The following IL10RB variants were observed in gnomAD, a reference collection of about 807,000 sequenced individuals.
The protein encoded by IL10RB is interleukin 10 receptor subunit beta.
In IL10RB, 30 loss-of-function variants were observed where a neutral mutation model predicts 38.7. The ratio of observed to expected loss-of-function variants is 0.78; its 90% confidence interval spans 0.58 to 1.05. The LOEUF (loss-of-function observed/expected upper bound fraction) is 1.05, where lower values mean the gene tolerates loss of function less well. Among genes scored for constraint, IL10RB ranks in the 50% least tolerant of loss-of-function variants. IL10RB has a pLI of 0.00. For synonymous variants in IL10RB, 142 were observed against 145.9 expected, an observed-to-expected ratio of 0.97 and a Z score of 0.19; for missense variants, 328 against 397.1, an observed-to-expected ratio of 0.83 and a Z score of 1.48.
At chr21:33,280,071 C>T (rs999570657) in intron 4 of IL10RB, among the ~76,000 whole-genome samples, 153 bp downstream of exon 4, 51 of 152,316 alleles carry the variant, frequency 3.3e-4, no homozygotes, top group African/African-American at 1.2e-3. Flanking sequence ...GCTTCCCAGA[C>T]TCCTAAGGGA....
At chr21:33,297,650 C>T (rs1436312766), downstream of IL10RB, among the ~76,000 whole-genome samples, 1 of 151,784 alleles carries the variant, frequency 6.6e-6, no homozygotes, top group East Asian at 1.9e-4. Context: ...GACCCCTTCT[C>T]TACAAAAAGT....
chr21:33,303,897 G>A (rs1024469273), intron 1 of IL10RB, among the ~76,000 whole-genome samples: 2 of 152,180 alleles, frequency 1.3e-5, no homozygotes, highest in Non-Finnish European at 2.9e-5. Flanking sequence ...AAGGAAGCCT[G>A]GTGTCTTCTA....
chr21:33,272,763 A>G (rs763311848), intron 2 of IL10RB, among the ~76,000 whole-genome samples: 1 of 152,210 alleles, frequency 6.6e-6, no homozygotes, highest in Non-Finnish European at 1.5e-5. Flanking sequence ...CACTTTTTGC[A>G]GGATGAGAGC....
Position 33,288,089 on chromosome 21 carries a change from C to T in IL10RB, c.647-15C>T, listed in dbSNP as rs1220197984. On this transcript the variant is annotated splice_polypyrimidine_tract_variant and intron_variant, in intron 5 of 6. Coordinates refer to ENST00000290200, the MANE Select transcript of IL10RB (RefSeq NM_000628.5). ...ACCTGTGACAAGAATGTAACATGCC[C>T]ATTACCCCTGGCAGAAACGGTCCCC... 1 of 1,613,480 alleles carries T rather than the reference C, an allele frequency of 6.2e-7. No homozygotes were observed. The highest frequency in any genetic ancestry group is 8.5e-7 in the Non-Finnish European group (1 of 1,179,596).
intron 6 of IL10RB, among the ~76,000 whole-genome samples, chr21:33,295,357 G>GAA (rs59137986): frequency 1.4e-4 from 8 of 55,832 alleles, no homozygotes; most frequent in Non-Finnish European, 1.8e-4. Context: ...GACTCCGTCT[G>GAA]AAAAAAAAAA....
At chr21:33,288,061 C>T (rs748832553) in intron 5 of IL10RB, 43 bp from the exon 6 acceptor site, 34 of 1,598,842 alleles carry the variant, frequency 2.1e-5, no homozygotes, top group Non-Finnish European at 2.8e-5. Context: ...TCACTGTGAC[C>T]CGACCTGTGA....
intron 4 of IL10RB, among the ~76,000 whole-genome samples, chr21:33,282,584 T>C (rs1053265158): frequency 2.6e-5 from 4 of 152,198 alleles, no homozygotes; most frequent in Non-Finnish European, 5.9e-5. Context: ...ATTTATTTAC[T>C]TTTTTCTTTA....
intron 4 of IL10RB, 120 bp downstream of exon 4, chr21:33,280,038 G>A (rs778322143): frequency 6.9e-6 from 6 of 873,752 alleles, no homozygotes; most frequent in South Asian, 1.3e-5. Context: ...CAGACTGAGG[G>A]GTTACTGGTA....
At chr21:33,298,793 T>A (rs8134026), downstream of IL10RB, among the ~76,000 whole-genome samples, 119,445 of 152,146 alleles carry the variant, frequency 0.79, 47,849 homozygotes, top group African/African-American at 0.95. Context: ...AAGCGTAGAT[T>A]AGCAAGCTGG....
chr21:33,301,882 A>G (rs966217770), downstream of IL10RB, among the ~76,000 whole-genome samples: 1 of 152,168 alleles, frequency 6.6e-6, no homozygotes, highest in African/African-American at 2.4e-5. Context: ...TCCAGACTCA[A>G]TCATCTAAGA....
chr21:33,299,566 C>T (rs921808468), downstream of IL10RB, among the ~76,000 whole-genome samples: 1 of 152,152 alleles, frequency 6.6e-6, no homozygotes, highest in African/African-American at 2.4e-5. Flanking sequence ...CCTAACATAC[C>T]TCCCACACCC....
intron 2 of IL10RB, among the ~76,000 whole-genome samples, chr21:33,274,156 C>T (rs1377225040): frequency 6.6e-6 from 1 of 152,112 alleles, no homozygotes; most frequent in Non-Finnish European, 1.5e-5. Flanking sequence ...TATAACTTTA[C>T]AAAATATATT....
chr21:33,300,749 G>C (rs1253123954), downstream of IL10RB, among the ~76,000 whole-genome samples: 1 of 152,190 alleles, frequency 6.6e-6, no homozygotes, highest in Admixed American at 6.5e-5. Flanking sequence ...ACACAGAGAA[G>C]GTGCCACCTA....
At chr21:33,283,072 T>C (rs1001575526) in intron 4 of IL10RB, 22 bp from the exon 5 acceptor site, 1 of 1,603,450 alleles carries the variant, frequency 6.2e-7, no homozygotes, top group East Asian at 2.2e-5. Flanking sequence ...AGTCATGTTC[T>C]TATTTTTGTC....
rs73362220 is a variant in IL10RB, at chr21:33,285,363, A to T, written c.646+2122A>T. On this transcript the variant is annotated intron_variant, in intron 5 of 6. Coordinates refer to ENST00000290200, the MANE Select transcript of IL10RB (RefSeq NM_000628.5). ...CTACCTATAGATTAATTCCATAGGT[A>T]AACTGAGGCACCGTGTCCTTGTGGA... 1.0e-3 allele frequency among the ~76,000 whole-genome samples: 158 copies of T among 152,372 alleles called. 2 individuals carry two copies. In the Middle Eastern group the frequency reaches 0.017, roughly 16 times the overall value.
At chr21:33,296,141 A>C (rs1356485388) in intron 6 of IL10RB, 43 bp from the exon 7 acceptor site, 1 of 1,513,458 alleles carries the variant, frequency 6.6e-7, no homozygotes, top group South Asian at 1.1e-5. Context: ...CAGAAAAAGA[A>C]ATGGAGAAAA....
At chr21:33,279,668 T>C in intron 3 of IL10RB, 84 bp from the exon 4 acceptor site, 1 of 1,174,640 alleles carries the variant, frequency 8.5e-7, no homozygotes, top group Non-Finnish European at 1.3e-6. Flanking sequence ...CGTGGACTAA[T>C]TGTTCTGCAT....
chr21:33,304,870 T>C (rs1312327886), intron 1 of IL10RB, among the ~76,000 whole-genome samples: 1 of 152,264 alleles, frequency 6.6e-6, no homozygotes, highest in African/African-American at 2.4e-5. Flanking sequence ...TTAGTCATTG[T>C]CTTGTCTCAG....
intron 6 of IL10RB, among the ~76,000 whole-genome samples, chr21:33,291,268 A>AT (rs1219270506): frequency 1.6e-5 from 2 of 127,288 alleles, no homozygotes; most frequent in Non-Finnish European, 3.6e-5. Flanking sequence ...GGACATATGA[A>AT]TTTCTTTTTT....
Sources: allele counts gnomAD v4.1 joint callset (sites outside exome capture counted in the v4.1 genomes callset), GRCh38; gene constraint gnomAD v4.1.1; transcripts MANE v1.5; gene names NCBI Gene and HGNC (gene_info 2026-07-23, HGNC 2026-07-21).